Variants in LARGE1 observed in about 807,000 individuals in gnomAD.
LARGE1 encodes LARGE xylosyl- and glucuronyltransferase 1, also known as xylosyl- and glucuronyltransferase LARGE1.
In LARGE1, 43 loss-of-function variants were observed where a neutral mutation model predicts 87.6. That is an observed-to-expected ratio of 0.49 (90% CI 0.38 to 0.63). LARGE1 has a LOEUF of 0.63. LARGE1 is among the 30% of genes least tolerant of loss of function. The pLI is 0.00. For synonymous variants in LARGE1, 434 were observed against 394.6 expected, an observed-to-expected ratio of 1.10 and a Z score of -1.18; for missense variants, 802 against 1,000.2, an observed-to-expected ratio of 0.80 and a Z score of 2.67.
rs562497858 is a variant in LARGE1, at chr22:33,384,848, T to C, written c.893-544A>G. 1.3e-4 allele frequency among the ~76,000 whole-genome samples: 19 copies of C among 149,116 alleles called. 1 individual carries two copies. The highest frequency in any genetic ancestry group is 4.1e-4 in the African/African-American group (17 of 41,150). ...CATTCCTTATAGACATTAGGTTCTC[T>C]CCTGTGTTTTTCCCCAGAGATATGA... On this transcript the variant is annotated intron_variant, in intron 7 of 14. Transcript: ENST00000397394.
chr22:33,342,292 G>C (rs1216606614), intron 9 of LARGE1, among the ~76,000 whole-genome samples: 1 of 152,166 alleles, frequency 6.6e-6, no homozygotes, highest in African/African-American at 2.4e-5. Context: ...TCTTCAACAG[G>C]GAGAAACTTA....
At chr22:33,355,697 G>A (rs1312277697) in intron 9 of LARGE1, among the ~76,000 whole-genome samples, 1 of 59,706 alleles carries the variant, frequency 1.7e-5, no homozygotes, top group African/African-American at 3.4e-5. Context: ...GCTTTCTGAG[G>A]CCCAGTGTTA....
exon 12 of LARGE1, chr22:33,162,285 G>A (rs1922056445): frequency 6.6e-6 from 1 of 152,208 alleles, no homozygotes; most frequent in Admixed American, 6.5e-5. Flanking sequence ...CAAGGCCTCA[G>A]GAAATTTACA....
At chr22:33,537,110 G>A (rs1034594014) in intron 6 of LARGE1, among the ~76,000 whole-genome samples, 31 of 152,104 alleles carry the variant, frequency 2.0e-4, no homozygotes, top group African/African-American at 7.2e-4. Context: ...CGCGCCCAGT[G>A]AAAGGCCATT....
chr22:33,091,098 T>C, the LARGE1 span, among the ~76,000 whole-genome samples: 1 of 152,248 alleles, frequency 6.6e-6, no homozygotes, highest in Non-Finnish European at 1.5e-5. Flanking sequence ...GCCATATCCC[T>C]AGAGTTTTCT....
At chr22:33,625,065 C>T (rs1389665739) in intron 4 of LARGE1, among the ~76,000 whole-genome samples, 1 of 152,192 alleles carries the variant, frequency 6.6e-6, no homozygotes, top group African/African-American at 2.4e-5. Flanking sequence ...GATTCAGGTG[C>T]AGCATTTTAC....
intron 6 of LARGE1, among the ~76,000 whole-genome samples, chr22:33,561,272 T>C (rs754053339): frequency 5.3e-5 from 8 of 152,112 alleles, no homozygotes; most frequent in Non-Finnish European, 8.8e-5. Context: ...GCGCCTTCCA[T>C]TGAAGAACCA....
chr22:33,500,711 T>A (rs1471341965), intron 6 of LARGE1, among the ~76,000 whole-genome samples: 1 of 152,200 alleles, frequency 6.6e-6, no homozygotes, highest in East Asian at 1.9e-4. Context: ...GCACCTTTGC[T>A]TACATGATTG....
At chr22:33,192,432 A>AT (rs1038557942) in intron 11 of LARGE1, among the ~76,000 whole-genome samples, 2 of 151,884 alleles carry the variant, frequency 1.3e-5, no homozygotes, top group African/African-American at 4.8e-5. Flanking sequence ...GATGCTGAGC[A>AT]TTTTTTTCAC....
chr22:33,881,204 C>T (rs980236562), intron 1 of LARGE1, among the ~76,000 whole-genome samples: 4 of 152,112 alleles, frequency 2.6e-5, no homozygotes, highest in African/African-American at 9.7e-5. Context: ...ACGAGCCCCC[C>T]GGGGCCGAAA....
intron 6 of LARGE1, among the ~76,000 whole-genome samples, chr22:33,528,799 A>T (rs1176094292): frequency 6.6e-6 from 1 of 152,204 alleles, no homozygotes; most frequent in Non-Finnish European, 1.5e-5. Flanking sequence ...TTAGTTGTCA[A>T]GGTTACTCTG....
intron 1 of LARGE1, among the ~76,000 whole-genome samples, chr22:33,884,315 C>T (rs1332791336): frequency 6.6e-6 from 1 of 152,216 alleles, no homozygotes; most frequent in Non-Finnish European, 1.5e-5. Context: ...GAACATTATC[C>T]TGGGTCACTG....
At chr22:33,093,822 CTTTTTT>C in the LARGE1 span, among the ~76,000 whole-genome samples, 30 of 81,576 alleles carry the variant, frequency 3.7e-4, no homozygotes, top group Admixed American at 6.1e-4. Flanking sequence ...TTCTTTCTTT[CTTTTTT>C]TTTTTTTTTT....
intron 2 of LARGE1, among the ~76,000 whole-genome samples, chr22:33,719,497 ATATTTATT>A (rs56236034): frequency 0.018 from 2,548 of 145,180 alleles, 71 homozygotes; most frequent in African/African-American, 0.06. Context: ...CATCTATACC[ATATTTATT>A]TATTTATTTA....
intron 11 of LARGE1, among the ~76,000 whole-genome samples, chr22:33,264,908 T>TG (rs1410218207): frequency 2.8e-5 from 4 of 141,536 alleles, no homozygotes; most frequent in Non-Finnish European, 6.1e-5. Context: ...TTTTTTTTTT[T>TG]TTTTTGAGAT....
intron 7 of LARGE1, among the ~76,000 whole-genome samples, chr22:33,394,663 T>C (rs2065659016): frequency 6.6e-6 from 1 of 152,064 alleles, no homozygotes; most frequent in Non-Finnish European, 1.5e-5. Context: ...CTTTGATTTG[T>C]GGTCTCAACC....
At chr22:33,212,078 A>G (rs1029456857) in intron 11 of LARGE1, among the ~76,000 whole-genome samples, 2 of 152,216 alleles carry the variant, frequency 1.3e-5, no homozygotes, top group African/African-American at 4.8e-5. Context: ...GTGCTGATGG[A>G]GAAGCTGAAG....
chr22:33,545,449 C>CACACACACAA (rs1173952096), intron 6 of LARGE1, among the ~76,000 whole-genome samples: 2 of 138,586 alleles, frequency 1.4e-5, no homozygotes, highest in African/African-American at 5.2e-5. Flanking sequence ...CACACACACA[C>CACACACACAA]AATTTCTTCT....
intron 11 of LARGE1, among the ~76,000 whole-genome samples, chr22:33,225,928 A>G (rs1925711687): frequency 6.6e-6 from 1 of 152,304 alleles, no homozygotes; most frequent in South Asian, 2.1e-4. Context: ...TCTATGGTGT[A>G]TATGTACCAC....
Sources: allele counts gnomAD v4.1 joint callset (sites outside exome capture counted in the v4.1 genomes callset), GRCh38; gene constraint gnomAD v4.1.1; transcripts MANE v1.5; gene names NCBI Gene and HGNC (gene_info 2026-07-23, HGNC 2026-07-21).